Variants in POC1B observed in about 807,000 individuals in gnomAD.
The protein encoded by POC1B is POC1 centriolar protein B.
In POC1B, 44 loss-of-function variants were observed where a neutral mutation model predicts 60.6. The observed-to-expected ratio is 0.73, with a 90% CI of 0.57 to 0.93. The LOEUF is 0.93. Among genes scored for constraint, POC1B ranks in the 40% least tolerant of loss-of-function variants. POC1B has a pLI of 0.00. For synonymous variants in POC1B, 180 were observed against 198.9 expected, an observed-to-expected ratio of 0.90 and a Z score of 0.80; for missense variants, 555 against 572.3, an observed-to-expected ratio of 0.97 and a Z score of 0.31.
At chr12:89,409,134 A>G in the POC1B span, among the ~76,000 whole-genome samples, 1 of 151,954 alleles carries the variant, frequency 6.6e-6, no homozygotes, top group African/African-American at 2.4e-5. Context: ...ATTAGACCCT[A>G]TTTGTCACAT....
chr12:89,416,547 A>C (rs942625721), downstream of POC1B, among the ~76,000 whole-genome samples: 10 of 152,228 alleles, frequency 6.6e-5, no homozygotes, highest in Non-Finnish European at 1.5e-4. Flanking sequence ...ACTATGTGAA[A>C]GACTTGGATA....
chr12:89,523,515 C>T (rs1305341670), intron 2 of POC1B: 2 of 1,610,758 alleles, frequency 1.2e-6, no homozygotes, highest in Non-Finnish European at 1.7e-6. Context: ...CACACTGCCA[C>T]ACCCTAAAAG....
Position 89,501,830 on chromosome 12 carries a change from T to G in POC1B, c.101-4488A>C, listed in dbSNP as rs1592631951. On this transcript the variant is annotated intron_variant, in intron 2 of 11. Coordinates refer to ENST00000313546, the MANE Select transcript of POC1B (RefSeq NM_172240.3). ...TCTAAGAATATTGGGAAAAAAACTA[T>G]TCCACTTAAAAGGCAGAAGACAGCA... The G allele has an allele frequency of 1.3e-5, 16 of 1,199,450 alleles. No homozygotes were observed. In the East Asian group the frequency reaches 3.5e-4, roughly 26 times the overall value. 74.3% of individuals were successfully genotyped at this position (1,199,450 alleles called of 1,614,324 possible).
At chr12:89,485,384 A>G (rs1868577290) in intron 4 of POC1B, 1 of 152,234 alleles carries the variant, frequency 6.6e-6, no homozygotes, top group Non-Finnish European at 1.5e-5. Flanking sequence ...ATGCATGAGA[A>G]AGAATCTGTA....
chr12:89,526,010 C>A lies in POC1B; in HGVS notation c.-115G>T. 2 of 1,539,674 alleles carry A rather than the reference C, an allele frequency of 1.3e-6. No individual in the cohort carries two copies. The highest frequency in any genetic ancestry group is 1.7e-6 in the Non-Finnish European group (2 of 1,145,834). On this transcript the variant is annotated 5_prime_UTR_variant, in exon 1 of 12. Coordinates refer to ENST00000313546, the MANE Select transcript of POC1B (RefSeq NM_172240.3). ...TCCCGGAACCGTCTGCCCAGAGCGG[C>A]AGCGCCTCCCGGTCACTACAACAAC...
rs1436784604 is a variant in POC1B, at chr12:89,437,829, CCT to C, written c.1114-12452_1114-12451del. Among the ~76,000 whole-genome samples, 9 of 150,150 alleles carry C rather than the reference CCT, an allele frequency of 6.0e-5. No individual in the cohort carries two copies. In the East Asian group the frequency reaches 6.0e-4, roughly 10 times the overall value. ...TTGGGAGGCCGAGACGGGTGGATCA[CCT>C]GAGGTCAGGAGTTTGAGACCAGCCT... is the stretch of plus-strand genomic sequence containing the variant. On this transcript the variant is annotated intron_variant, in intron 10 of 11. Transcript: ENST00000313546.
At chr12:89,442,880 T>C (rs965845022) in intron 10 of POC1B, among the ~76,000 whole-genome samples, 33 of 152,038 alleles carry the variant, frequency 2.2e-4, no homozygotes, top group African/African-American at 5.8e-4. Context: ...AGAGACACAA[T>C]AGGCTCAAAA....
chr12:89,407,004 C>T, the POC1B span, among the ~76,000 whole-genome samples: 1 of 151,160 alleles, frequency 6.6e-6, no homozygotes, highest in Non-Finnish European at 1.5e-5. Flanking sequence ...AAAAATTAGC[C>T]GGGCGTGATG....
At chr12:89,490,710 T>C (rs1868920781) in intron 4 of POC1B, among the ~76,000 whole-genome samples, 1 of 152,102 alleles carries the variant, frequency 6.6e-6, no homozygotes. Context: ...GTCCTATGAA[T>C]AGGAAGACTC....
chr12:89,507,029 A>G (rs894349337), intron 2 of POC1B, among the ~76,000 whole-genome samples: 1 of 152,028 alleles, frequency 6.6e-6, no homozygotes, highest in Admixed American at 6.6e-5. Context: ...ATAACATATT[A>G]CGACCCCCAA....
At position 89,470,382 on chromosome 12, in the gene POC1B, G is replaced by A. The variant is rs1453598635; in HGVS notation, c.789C>T (p.Ile263=). 1.3e-6 allele frequency: 2 copies of A among 1,585,502 alleles called. No individual in the cohort carries two copies. The highest frequency in any genetic ancestry group is 1.3e-5 in the African/African-American group (1 of 74,710). The part of the protein sequence containing the change: ...KILDLLEGRL[I]YTLQGHTGPV... ...ATACCGTATGTCCTTGAAGTGTATAGATGAGCCTTCCTTCTAAGAGGTCCA... is the reference window on the plus strand; with the variant it reads ...ATACCGTATGTCCTTGAAGTGTATAAATGAGCCTTCCTTCTAAGAGGTCCA... Residue 263 remains isoleucine (I), a synonymous_variant, in exon 7 of 12, where the codon ATC becomes ATT. Transcript: ENST00000313546.
At chr12:89,441,187 G>A (rs1015732858) in intron 10 of POC1B, among the ~76,000 whole-genome samples, 1 of 152,228 alleles carries the variant, frequency 6.6e-6, no homozygotes, top group Non-Finnish European at 1.5e-5. Flanking sequence ...CACCTCTGGG[G>A]GCAGGGCATA....
intron 2 of POC1B, chr12:89,522,577 G>A: frequency 2.5e-6 from 1 of 403,152 alleles, no homozygotes; most frequent in Non-Finnish European, 4.3e-6. Flanking sequence ...AGACCATATT[G>A]ACAAAACTCT....
At chr12:89,472,766 C>A (rs1248409660) in intron 4 of POC1B, 2 of 154,110 alleles carry the variant, frequency 1.3e-5, no homozygotes, top group African/African-American at 4.8e-5. Flanking sequence ...ACAAAAGAAC[C>A]TAACTGCCCA....
intron 9 of POC1B, among the ~76,000 whole-genome samples, chr12:89,466,388 A>G (rs1211064079): frequency 6.6e-6 from 1 of 152,076 alleles, no homozygotes; most frequent in Non-Finnish European, 1.5e-5. Context: ...TTTTGCTGTA[A>G]AAGAGTTTTA....
the POC1B span, among the ~76,000 whole-genome samples, chr12:89,405,931 C>T: frequency 1.3e-5 from 2 of 150,774 alleles, no homozygotes; most frequent in African/African-American, 4.9e-5. Flanking sequence ...TGCACTCCCA[C>T]CTGGGTGAAA....
intron 4 of POC1B, among the ~76,000 whole-genome samples, chr12:89,474,593 G>GT (rs1012694960): frequency 6.6e-6 from 1 of 152,152 alleles, no homozygotes; most frequent in African/African-American, 2.4e-5. Flanking sequence ...AATTTACAGT[G>GT]AAGAAACAGA....
intron 4 of POC1B, among the ~76,000 whole-genome samples, chr12:89,479,923 C>T (rs1883254744): frequency 1.3e-5 from 2 of 151,948 alleles, no homozygotes; most frequent in Non-Finnish European, 2.9e-5. Context: ...TTATATTTTT[C>T]CAAATATAAA....
downstream of POC1B, among the ~76,000 whole-genome samples, chr12:89,415,327 C>T (rs895602655): frequency 6.6e-6 from 1 of 152,072 alleles, no homozygotes; most frequent in African/African-American, 2.4e-5. Flanking sequence ...GAAATGGAGT[C>T]CAGAGAAACA....
Sources: allele counts gnomAD v4.1 joint callset (sites outside exome capture counted in the v4.1 genomes callset), GRCh38; gene constraint gnomAD v4.1.1; transcripts MANE v1.5; gene names NCBI Gene and HGNC (gene_info 2026-07-23, HGNC 2026-07-21).